PIK3CB: variants seen among roughly 807,000 people sequenced by gnomAD.
The protein encoded by PIK3CB is phosphatidylinositol-4,5-bisphosphate 3-kinase catalytic subunit beta.
PIK3CB carries 39 observed loss-of-function variants against 136.8 expected under a neutral mutation model. The observed-to-expected ratio is 0.29, with a 90% CI of 0.22 to 0.37. The LOEUF (loss-of-function observed/expected upper bound fraction) is 0.37, where lower values mean the gene tolerates loss of function less well. Ranked by LOEUF, PIK3CB falls within the 10% of genes least tolerant of loss-of-function variation. PIK3CB has a pLI of 1.00. For synonymous variants in PIK3CB, 428 were observed against 436.6 expected, an observed-to-expected ratio of 0.98 and a Z score of 0.25; for missense variants, 868 against 1,275.4, an observed-to-expected ratio of 0.68 and a Z score of 4.87.
At chr3:138,685,396 CAAAAAAAAAAAAAAA>C (rs398052626) in intron 16 of PIK3CB, among the ~76,000 whole-genome samples, 1 of 58,354 alleles carries the variant, frequency 1.7e-5, no homozygotes, top group African/African-American at 9.9e-5. Context: ...GAAACTGTCT[CAAAAAAAAAAAAAAA>C]AAAAAAAAAA....
At chr3:138,750,679 C>A (rs908264683) in intron 4 of PIK3CB, among the ~76,000 whole-genome samples, 4 of 152,168 alleles carry the variant, frequency 2.6e-5, no homozygotes, top group African/African-American at 9.6e-5. Flanking sequence ...ACCCAGTGAC[C>A]AATGTCTCCC....
At chr3:138,693,987 TA>T (rs1314923868) in intron 14 of PIK3CB, among the ~76,000 whole-genome samples, 1 of 112,258 alleles carries the variant, frequency 8.9e-6, no homozygotes, top group African/African-American at 3.2e-5. Context: ...TATATATATA[TA>T]TATATTTTAA....
intron 2 of PIK3CB, among the ~76,000 whole-genome samples, chr3:138,793,543 T>G (rs1410868838): frequency 6.6e-6 from 1 of 151,124 alleles, no homozygotes; most frequent in Non-Finnish European, 1.5e-5. Flanking sequence ...GAGGCAGAGG[T>G]TGCAATGAGC....
chr3:138,742,579 A>G lies in PIK3CB; in HGVS notation c.600T>C (p.Ala200=). The change falls in exon 5 of 24, where the codon GCT becomes GCC. Residue 200 remains alanine (A), a synonymous_variant. Transcript: ENST00000674063. ...CTACCTGGCAGTTTTCAAAATGAAC[A>G]GCTACGATGAGCTTTCCCCCATAAA... is the stretch of plus-strand genomic sequence containing the variant. ...DKLYGGKLIV[A]VHFENCQDVF... 1.3e-6 allele frequency: 2 copies of G among 1,551,658 alleles called. No individual in the cohort carries two copies. The highest frequency in any genetic ancestry group is 2.3e-5 in the East Asian group (1 of 44,414).
At position 138,703,550 on chromosome 3, in the gene PIK3CB, TTA is replaced by T. The variant is rs563928875; in HGVS notation, c.1581+891_1581+892del. ...AAAAAAGCACAGATGGTATACATAT[TTA>T]TATATATATATGTAGATATAGATAT... On this transcript the variant is annotated intron_variant, in intron 12 of 23. Transcript: ENST00000674063. 2.6e-3 allele frequency among the ~76,000 whole-genome samples: 397 copies of T among 150,862 alleles called. 5 individuals carry two copies. The highest frequency in any genetic ancestry group is 3.6e-3 in the Middle Eastern group (1 of 278).
chr3:138,686,565 G>A (rs888983779), intron 16 of PIK3CB, among the ~76,000 whole-genome samples: 2 of 152,182 alleles, frequency 1.3e-5, no homozygotes, highest in East Asian at 1.9e-4. Context: ...TAAAGAAGGA[G>A]CAGCTTATTT....
intron 5 of PIK3CB, among the ~76,000 whole-genome samples, chr3:138,739,820 G>A (rs1383332271): frequency 6.6e-6 from 1 of 150,786 alleles, no homozygotes; most frequent in Non-Finnish European, 1.5e-5. Context: ...GAGAATCCCT[G>A]AACCAGGGAG....
intron 8 of PIK3CB, among the ~76,000 whole-genome samples, chr3:138,726,519 G>A (rs981297401): frequency 3.3e-5 from 5 of 152,072 alleles, no homozygotes; most frequent in East Asian, 1.9e-4. Context: ...TGCTACCACC[G>A]TTGCTATTGC....
chr3:138,818,727 T>C (rs1176957467), intron 1 of PIK3CB, among the ~76,000 whole-genome samples: 1 of 152,180 alleles, frequency 6.6e-6, no homozygotes, highest in Non-Finnish European at 1.5e-5. Flanking sequence ...AGCCTTCCCA[T>C]GTGCTGGACT....
intron 10 of PIK3CB, among the ~76,000 whole-genome samples, 200 bp downstream of exon 10, chr3:138,712,008 A>ATTTGTAAAGAAT (rs1405406922): frequency 6.6e-6 from 1 of 151,778 alleles, no homozygotes; most frequent in African/African-American, 2.4e-5. Flanking sequence ...CCAAAACAAA[A>ATTTGTAAAGAAT]TTTGTAAAGA....
rs2043189028 is a variant in PIK3CB, at chr3:138,656,231, G to T, written c.2986C>A (p.His996Asn). ...CEDAYLILRR[H>N]GNLFITLFAL... The stretch of plus-strand genomic sequence containing the variant: ...AAGAGAGTGATGAAGAGATTCCCAT[G>T]CCGTCGTAAAATCAGATATGCATCC... Residue 996 changes from histidine (H) to asparagine (N), a missense_variant, in exon 23 of 24, where the codon CAT becomes AAT. His to Asn is a moderately conservative substitution (Grantham distance 68). Transcript: ENST00000674063. 5 of 1,614,024 alleles carry T rather than the reference G, an allele frequency of 3.1e-6. No homozygotes were observed. In the South Asian group the frequency reaches 3.3e-5, roughly 11 times the overall value.
chr3:138,716,444 A>T (rs1559837181), intron 8 of PIK3CB, among the ~76,000 whole-genome samples: 1 of 152,184 alleles, frequency 6.6e-6, no homozygotes, highest in Non-Finnish European at 1.5e-5. Flanking sequence ...CCACAGTGAC[A>T]ATGGTACCAG....
intron 12 of PIK3CB, among the ~76,000 whole-genome samples, chr3:138,699,479 C>G (rs373821259): frequency 6.6e-6 from 1 of 151,308 alleles, no homozygotes; most frequent in Non-Finnish European, 1.5e-5. Context: ...GGTGAAAACC[C>G]GTCTTTACAA....
Position 138,716,243 on chromosome 3 carries a change from G to A in PIK3CB, c.1051-1524C>T, listed in dbSNP as rs544129204. Among the ~76,000 whole-genome samples the A allele has an allele frequency of 4.6e-5, 7 of 152,196 alleles. No homozygotes were observed. In the South Asian group the frequency reaches 6.2e-4, roughly 14 times the overall value. Reference sequence around the variant, plus strand: ...ATTCCCTTCAACTCCAGAAAAAGGCGTAATCCTTCAAGTCCCCTGGTCCCA... The same window carrying A: ...ATTCCCTTCAACTCCAGAAAAAGGCATAATCCTTCAAGTCCCCTGGTCCCA... On this transcript the variant is annotated intron_variant, in intron 8 of 23. Transcript: ENST00000674063.
chr3:138,737,645 AT>A, intron 6 of PIK3CB, 61 bp downstream of exon 6: 5 of 199,396 alleles, frequency 2.5e-5, no homozygotes, highest in African/African-American at 7.9e-5. Context: ...CAGAAATAAA[AT>A]ATATATATAT....
intron 1 of PIK3CB, among the ~76,000 whole-genome samples, chr3:138,829,702 G>A (rs1286278245): frequency 6.6e-6 from 1 of 152,090 alleles, no homozygotes; most frequent in Non-Finnish European, 1.5e-5. Context: ...CAGGAGAATC[G>A]CTTGAACCCA....
At chr3:138,805,185 T>C (rs942693146) in intron 1 of PIK3CB, among the ~76,000 whole-genome samples, 10 of 149,964 alleles carry the variant, frequency 6.7e-5, no homozygotes, top group African/African-American at 2.5e-4. Context: ...ATAAAAAAAT[T>C]AGCCGGGCAT....
chr3:138,747,907 G>A (rs984428503), intron 4 of PIK3CB, among the ~76,000 whole-genome samples: 1 of 151,980 alleles, frequency 6.6e-6, no homozygotes, highest in African/African-American at 2.4e-5. Flanking sequence ...AATTATATAT[G>A]ACAACTTTTT....
intron 2 of PIK3CB, among the ~76,000 whole-genome samples, chr3:138,784,261 C>T (rs1435995332): frequency 6.6e-6 from 1 of 152,154 alleles, no homozygotes; most frequent in African/African-American, 2.4e-5. Context: ...TGGCATGCAC[C>T]TGTAATTCCA....
Sources: gnomAD v4.1 joint callset for allele counts (sites outside exome capture counted in the v4.1 genomes callset) on GRCh38, gnomAD v4.1.1 for gene constraint, MANE v1.5 for transcripts, NCBI Gene and HGNC (gene_info 2026-07-23, HGNC 2026-07-21) for gene names.